TUT4: variants seen among roughly 807,000 people sequenced by gnomAD.
TUT4 encodes the protein terminal uridylyltransferase 4.
In TUT4, 36 loss-of-function variants were observed where a neutral mutation model predicts 192.2. That is an observed-to-expected ratio of 0.19 (90% CI 0.14 to 0.25). TUT4 has a LOEUF of 0.25. Ranked by LOEUF, TUT4 falls within the 10% of genes least tolerant of loss-of-function variation. TUT4 has a pLI of 1.00. For synonymous variants in TUT4, 618 were observed against 666.0 expected, an observed-to-expected ratio of 0.93 and a Z score of 1.11; for missense variants, 1,493 against 1,957.2, an observed-to-expected ratio of 0.76 and a Z score of 4.47.
At chr1:52,503,263 T>A (rs1206783945) in intron 4 of TUT4, among the ~76,000 whole-genome samples, 4 of 152,032 alleles carry the variant, frequency 2.6e-5, no homozygotes, top group African/African-American at 9.7e-5. Context: ...GGGAAAAAAA[T>A]AATGCATATA....
intron 16 of TUT4, chr1:52,463,148 G>A (rs1409871350): frequency 1.0e-6 from 1 of 981,834 alleles, no homozygotes; most frequent in Non-Finnish European, 1.2e-6. Flanking sequence ...CAACTTCCCA[G>A]TAGGAATGGC....
At chr1:52,522,990 T>C (rs997767226) in intron 2 of TUT4, among the ~76,000 whole-genome samples, 1 of 131,858 alleles carries the variant, frequency 7.6e-6, no homozygotes. Context: ...TAACTATCTT[T>C]TTTTTTTTTT....
intron 2 of TUT4, among the ~76,000 whole-genome samples, chr1:52,518,615 T>C (rs1163210485): frequency 6.6e-6 from 1 of 152,124 alleles, no homozygotes; most frequent in Non-Finnish European, 1.5e-5. Context: ...CATAATCCAG[T>C]CCATAACAAC....
chr1:52,496,721 T>G (rs756153502), intron 5 of TUT4, among the ~76,000 whole-genome samples: 10 of 152,144 alleles, frequency 6.6e-5, no homozygotes, highest in Non-Finnish European at 7.4e-5. Context: ...AATAGTCCAC[T>G]CAGAAATCAG....
chr1:52,536,586 C>T (rs1381994309), intron 1 of TUT4, among the ~76,000 whole-genome samples: 1 of 152,210 alleles, frequency 6.6e-6, no homozygotes, highest in Non-Finnish European at 1.5e-5. Flanking sequence ...GGCGTGGTGG[C>T]TCACGCCTGT....
rs189663043 is a variant in TUT4 at position 52,547,637 on chromosome 1, T to C, written c.-94+5294A>G. Reference sequence around the variant, plus strand: ...AGAAATAACCCAAATGTCCATCAAATGATGAATGGTTAAACAAAACGTGGT... The same window carrying C: ...AGAAATAACCCAAATGTCCATCAAACGATGAATGGTTAAACAAAACGTGGT... On this transcript the variant is annotated intron_variant, in intron 1 of 29. Coordinates refer to ENST00000257177, the MANE Select transcript of TUT4 (RefSeq NM_001009881.3). Among the ~76,000 whole-genome samples, 415 of 152,238 alleles carry C rather than the reference T, an allele frequency of 2.7e-3. 3 individuals are homozygous for C. Among genetic ancestry groups the C allele is most frequent in the South Asian group, 4.8e-3 (23 of 4,826 alleles).
intron 4 of TUT4, among the ~76,000 whole-genome samples, chr1:52,498,605 G>C (rs1292825914): frequency 6.6e-6 from 1 of 151,730 alleles, no homozygotes; most frequent in Non-Finnish European, 1.5e-5. Context: ...AATGATAAAA[G>C]GCCGGATGCA....
chr1:52,478,241 G>A (rs1667588718), intron 11 of TUT4, among the ~76,000 whole-genome samples: 1 of 152,150 alleles, frequency 6.6e-6, no homozygotes, highest in Non-Finnish European at 1.5e-5. Flanking sequence ...TATTTTTAAA[G>A]CTCCCTTAAG....
intron 28 of TUT4, among the ~76,000 whole-genome samples, chr1:52,427,619 T>C (rs1322612620): frequency 6.6e-6 from 1 of 152,240 alleles, no homozygotes; most frequent in African/African-American, 2.4e-5. Flanking sequence ...ATGTATGCCA[T>C]ATATCCTCTG....
chr1:52,492,449 T>C (rs1157472935), intron 7 of TUT4, among the ~76,000 whole-genome samples: 1 of 152,208 alleles, frequency 6.6e-6, no homozygotes, highest in Admixed American at 6.5e-5. Context: ...AAGAAGTTAT[T>C]GTATATCCCA....
intron 12 of TUT4, among the ~76,000 whole-genome samples, chr1:52,476,629 C>T (rs754100568): frequency 2.0e-5 from 3 of 151,752 alleles, no homozygotes; most frequent in Non-Finnish European, 4.4e-5. Context: ...TTCTTCCTCA[C>T]TTCCCAAAGA....
At chr1:52,468,083 C>A in intron 15 of TUT4, 98 bp downstream of exon 15, 1 of 894,312 alleles carries the variant, frequency 1.1e-6, no homozygotes. Flanking sequence ...TAGAACAGTA[C>A]TTAACACATA....
intron 1 of TUT4, among the ~76,000 whole-genome samples, chr1:52,542,674 A>G (rs1478750827): frequency 6.6e-6 from 1 of 152,252 alleles, no homozygotes; most frequent in African/African-American, 2.4e-5. Flanking sequence ...AGTAGACATC[A>G]TACTCAATGA....
At chr1:52,490,859 A>G in intron 7 of TUT4, 58 bp from the exon 8 acceptor site, 1 of 1,313,774 alleles carries the variant, frequency 7.6e-7, no homozygotes, top group Admixed American at 2.2e-5. Flanking sequence ...CGTACTCTAC[A>G]GTAAACATTA....
chr1:52,464,851 A>G, intron 16 of TUT4: 1 of 392,956 alleles, frequency 2.5e-6, no homozygotes, highest in Non-Finnish European at 4.5e-6. Context: ...TCTCAGTGAC[A>G]TGGTTTTTGT....
In TUT4 at chr1:52,481,877, C is replaced by G; in HGVS notation, c.1562G>C (p.Cys521Ser). The G allele has an allele frequency of 1.9e-6, 3 of 1,597,802 alleles. No homozygotes were observed. Among genetic ancestry groups the G allele is most frequent in the Non-Finnish European group, 2.6e-6 (3 of 1,175,848 alleles). The change falls in exon 10 of 30, where the codon TGT becomes TCT. Residue 521 changes from cysteine to serine, a missense_variant. By Grantham distance (112) the Cys-to-Ser change is moderately radical (BLOSUM62 -1). This residue lies in a region of TUT4 where 437 missense variants were observed against 577.6 expected (regional missense o/e 0.76). Transcript: ENST00000257177. Reference protein sequence around the residue: ...SQTDGGIPSYCFALMVMFFLQ... With the variant: ...SQTDGGIPSYSFALMVMFFLQ... ...AAAAAACATCACCATTAAAGCAAAA[C>G]AGTAAGAAGGGATTCCACCATCAGT... is the stretch of plus-strand genomic sequence containing the variant.
At chr1:52,445,013 ATATATGTATATATGTG>A (rs1484752675) in intron 24 of TUT4, among the ~76,000 whole-genome samples, 1 of 134,234 alleles carries the variant, frequency 7.4e-6, no homozygotes, top group African/African-American at 3.4e-5. Context: ...ATGTGTGTAT[ATATATGTATATATGTG>A]TATATATATA....
intron 16 of TUT4, chr1:52,462,571 C>CG (rs1320454398): frequency 3.5e-5 from 9 of 257,514 alleles, no homozygotes; most frequent in Non-Finnish European, 4.9e-5. Flanking sequence ...TCTATAAAAT[C>CG]AAGATAATCA....
chr1:52,502,607 CTCTT>C lies in TUT4; in HGVS notation c.1000-5428_1000-5425del, dbSNP rs1674447519. Among the ~76,000 whole-genome samples, 5 of 92,470 alleles carry C rather than the reference CTCTT, an allele frequency of 5.4e-5. No individual in the cohort carries two copies. The South Asian group carries it at 2.0e-3, about 36-fold the overall frequency. 60.7% of individuals were successfully genotyped at this position (92,470 alleles called of 152,430 possible). On this transcript the variant is annotated intron_variant, in intron 4 of 29. Transcript: ENST00000257177. ...TTTCATTAAGTAAGCCCTCTTAGCC[CTCTT>C]TTTTTTTTTTTTTTTTTTTTTGAGA...
Sources: gnomAD v4.1 joint callset for allele counts (sites outside exome capture counted in the v4.1 genomes callset) on GRCh38, gnomAD v4.1.1 for gene constraint, gnomAD v4.1.1 regional missense constraint, MANE v1.5 for transcripts, NCBI Gene and HGNC (gene_info 2026-07-23, HGNC 2026-07-21) for gene names.